EHMT1: variants seen among roughly 807,000 people sequenced by gnomAD.
EHMT1 encodes euchromatic histone lysine methyltransferase 1, also known as histone-lysine N-methyltransferase EHMT1.
In EHMT1, 15 loss-of-function variants were observed where a neutral mutation model predicts 147.2. The ratio of observed to expected loss-of-function variants is 0.10; its 90% CI spans 0.07 to 0.16. The LOEUF (loss-of-function observed/expected upper bound fraction) is 0.16, where lower values mean the gene tolerates loss of function less well. EHMT1 is among the 10% of genes least tolerant of loss of function. EHMT1 has a pLI of 1.00. For missense variants in EHMT1, 1,587 were observed against 1,772.4 expected, an observed-to-expected ratio of 0.90 and a Z score of 1.88; for synonymous variants, 795 against 709.6, an observed-to-expected ratio of 1.12 and a Z score of -1.91.
chr9:137,745,465 A>G (rs1948463525), intron 6 of EHMT1: 1 of 398,528 alleles, frequency 2.5e-6, no homozygotes, highest in African/African-American at 2.1e-5. Context: ...TTCTCCTCTT[A>G]TATGAAGAAG....
At chr9:137,686,094 T>C (rs532546688) in intron 1 of EHMT1, among the ~76,000 whole-genome samples, 1 of 152,274 alleles carries the variant, frequency 6.6e-6, no homozygotes, top group African/African-American at 2.4e-5. Flanking sequence ...GTTCTTTATA[T>C]TTTCCAGATA....
chr9:137,621,997 G>A (rs1200862022), intron 1 of EHMT1, among the ~76,000 whole-genome samples: 1 of 149,240 alleles, frequency 6.7e-6, no homozygotes, highest in Non-Finnish European at 1.5e-5. Context: ...TAAGTTTTAG[G>A]GTACATGTGC....
intron 1 of EHMT1, among the ~76,000 whole-genome samples, chr9:137,627,258 AT>A (rs1196958635): frequency 0.011 from 1,289 of 113,876 alleles, 3 homozygotes; most frequent in East Asian, 0.034. Flanking sequence ...ATGCCTGGCC[AT>A]TTTTTTTTTT....
rs111985990 is a variant in EHMT1, at chr9:137,743,891, C to G, written c.982-11C>G. 1 of 1,607,298 alleles carries G rather than the reference C, an allele frequency of 6.2e-7. No individual in the cohort carries two copies. The highest frequency in any genetic ancestry group is 1.7e-5 in the Admixed American group (1 of 59,116). On this transcript the variant is annotated splice_polypyrimidine_tract_variant and intron_variant, in intron 5 of 26. Transcript: ENST00000460843. The stretch of plus-strand genomic sequence containing the variant: ...ATCCTGCCTTGGGGTATACACCTGC[C>G]CGTGTTCTAGGGGGAGAAGGACCTG...
intron 2 of EHMT1, among the ~76,000 whole-genome samples, chr9:137,715,013 T>C (rs1035055030): frequency 1.3e-5 from 2 of 152,260 alleles, no homozygotes; most frequent in African/African-American, 4.8e-5. Flanking sequence ...TGATACTTTT[T>C]TTTCTTACAT....
chr9:137,619,231 G>A (rs1842795712), intron 1 of EHMT1, among the ~76,000 whole-genome samples, 182 bp downstream of exon 1: 1 of 142,512 alleles, frequency 7.0e-6, no homozygotes, highest in Non-Finnish European at 1.6e-5. Flanking sequence ...GAGGCCGCCG[G>A]GCGTCCGGCC....
intron 23 of EHMT1, 131 bp from the exon 24 acceptor site, chr9:137,817,308 A>G: frequency 9.9e-7 from 1 of 1,010,538 alleles, no homozygotes; most frequent in East Asian, 2.6e-5. Flanking sequence ...TGCCTGCAGC[A>G]TCGAACGCTT....
At chr9:137,636,519 T>C (rs1287640139) in intron 1 of EHMT1, among the ~76,000 whole-genome samples, 1 of 152,192 alleles carries the variant, frequency 6.6e-6, no homozygotes, top group African/African-American at 2.4e-5. Flanking sequence ...AGGTATGATA[T>C]TAGCTATGAG....
intron 8 of EHMT1, 130 bp downstream of exon 8, chr9:137,754,421 T>C: frequency 7.5e-7 from 1 of 1,336,502 alleles, no homozygotes; most frequent in Non-Finnish European, 1.0e-6. Flanking sequence ...AAAAAATGTT[T>C]GAAATGACTT....
intron 25 of EHMT1, among the ~76,000 whole-genome samples, chr9:137,825,093 G>A (rs1955715278): frequency 6.6e-6 from 1 of 152,194 alleles, no homozygotes; most frequent in Admixed American, 6.5e-5. Flanking sequence ...TGCAGGATGA[G>A]GCCTCTGCTT....
intron 1 of EHMT1, among the ~76,000 whole-genome samples, chr9:137,695,704 C>T (rs1943346708): frequency 2.0e-5 from 3 of 152,198 alleles, no homozygotes; most frequent in Admixed American, 2.0e-4. Context: ...CCCTCACACA[C>T]AGTGGCTAGG....
chr9:137,794,919 G>A (rs138396563), intron 16 of EHMT1, among the ~76,000 whole-genome samples: 130 of 152,264 alleles, frequency 8.5e-4, no homozygotes, highest in African/African-American at 2.6e-3. Flanking sequence ...AAAACTTAGC[G>A]CGTTGGGAAT....
At chr9:137,659,211 T>C (rs190711313) in intron 1 of EHMT1, among the ~76,000 whole-genome samples, 1 of 152,226 alleles carries the variant, frequency 6.6e-6, no homozygotes, top group East Asian at 1.9e-4. Context: ...CTTTTCTTAT[T>C]AATGTTGAAC....
At position 137,655,556 on chromosome 9, in the gene EHMT1, T is replaced by C. The variant is rs543236771; in HGVS notation, c.21+36507T>C. On this transcript the variant is annotated intron_variant, in intron 1 of 26. Transcript: ENST00000460843. ...ATTACCATTTACATGAAGATGCTAA[T>C]AGTGTTTTTTATGCAGGGGTCCCCA... Among the ~76,000 whole-genome samples the C allele has an allele frequency of 1.4e-4, 22 of 152,326 alleles. No homozygotes were observed. In the East Asian group the frequency reaches 3.7e-3, roughly 25 times the overall value.
intron 14 of EHMT1, among the ~76,000 whole-genome samples, chr9:137,780,261 G>A (rs961894208): frequency 3.4e-5 from 5 of 149,192 alleles, no homozygotes; most frequent in Admixed American, 3.3e-4. Context: ...ATGACGCTGG[G>A]ATGTGTGGTG....
chr9:137,778,904 A>T (rs1951166650), intron 13 of EHMT1, among the ~76,000 whole-genome samples: 1 of 152,210 alleles, frequency 6.6e-6, no homozygotes, highest in Non-Finnish European at 1.5e-5. Flanking sequence ...GGTGGAAGGC[A>T]AAGCAGGAGC....
intron 16 of EHMT1, among the ~76,000 whole-genome samples, chr9:137,796,720 A>AAAAAAAAAAAAAAT (rs1952981899): frequency 1.3e-5 from 2 of 151,060 alleles, no homozygotes; most frequent in African/African-American, 2.4e-5. Flanking sequence ...AAAAAAAAAA[A>AAAAAAAAAAAAAAT]GAAATGAAAC....
chr9:137,694,282 A>G (rs1321254954), intron 1 of EHMT1, among the ~76,000 whole-genome samples: 1 of 77,726 alleles, frequency 1.3e-5, no homozygotes, highest in Non-Finnish European at 2.4e-5. Flanking sequence ...GCTGGCCGAT[A>G]CCCCCACACA....
intron 3 of EHMT1, 159 bp downstream of exon 3, chr9:137,717,341 A>G (rs1945432956): frequency 2.1e-6 from 2 of 960,984 alleles, no homozygotes; most frequent in Admixed American, 2.0e-5. Context: ...AGTGGCTTAC[A>G]GCTGTTATCG....
Sources: gnomAD v4.1 joint callset for allele counts (sites outside exome capture counted in the v4.1 genomes callset) on GRCh38, gnomAD v4.1.1 for gene constraint, MANE v1.5 for transcripts, NCBI Gene and HGNC (gene_info 2026-07-23, HGNC 2026-07-21) for gene names.